Variants in M1AP observed in about 807,000 individuals in gnomAD.
M1AP encodes the protein meiosis 1 arrest protein.
M1AP carries 39 observed loss-of-function variants against 51.2 expected under a neutral mutation model. The observed-to-expected ratio is 0.76, with a 90% CI of 0.59 to 1.00. M1AP has a LOEUF of 1.00. Ranked by LOEUF, M1AP falls within the 50% of genes least tolerant of loss-of-function variation. The pLI is 0.00. For synonymous variants in M1AP, 251 were observed against 249.2 expected (o/e 1.01, Z -0.07); for missense variants, 545 against 641.2 (o/e 0.85, Z 1.62).
chr2:74,596,062 A>T (rs1680314203), intron 4 of M1AP, among the ~76,000 whole-genome samples: 1 of 152,254 alleles, frequency 6.6e-6, no homozygotes, highest in Admixed American at 6.5e-5. Flanking sequence ...AAAGCAAGGA[A>T]GAAAGATGAA....
chr2:74,609,900 C>T (rs1472393691), intron 3 of M1AP, among the ~76,000 whole-genome samples: 1 of 152,084 alleles, frequency 6.6e-6, no homozygotes, highest in Non-Finnish European at 1.5e-5. Flanking sequence ...CATTTTTTCC[C>T]TGTTGAGTTG....
intron 2 of M1AP, among the ~76,000 whole-genome samples, chr2:74,625,854 C>T (rs1191797743): frequency 1.3e-5 from 2 of 152,226 alleles, no homozygotes; most frequent in African/African-American, 2.4e-5. Flanking sequence ...ATTCCCTTTG[C>T]TTACTTGTTC....
chr2:74,628,519 C>T (rs536244818), intron 2 of M1AP: 9 of 473,668 alleles, frequency 1.9e-5, no homozygotes, highest in Non-Finnish European at 3.3e-5. Flanking sequence ...GCACTAAAGG[C>T]AAATATCACC....
At chr2:74,597,033 T>A (rs78866756) in intron 4 of M1AP, among the ~76,000 whole-genome samples, 3 of 152,154 alleles carry the variant, frequency 2.0e-5, no homozygotes, top group Non-Finnish European at 4.4e-5. Context: ...ATCGTGATGA[T>A]GATTTGTGGG....
intron 1 of M1AP, chr2:74,647,221 C>T (rs894105550): frequency 1.0e-6 from 1 of 985,148 alleles, no homozygotes; most frequent in African/African-American, 1.7e-5. Context: ...GCCTTCTGCC[C>T]AACTCTCCAT....
chr2:74,645,640 A>G (rs1027137859), intron 1 of M1AP, among the ~76,000 whole-genome samples: 4 of 152,214 alleles, frequency 2.6e-5, no homozygotes, highest in African/African-American at 9.6e-5. Context: ...TGCTTTTCCT[A>G]GAAATTTCTG....
chr2:74,595,994 A>G (rs1680310244), intron 4 of M1AP, among the ~76,000 whole-genome samples: 1 of 152,234 alleles, frequency 6.6e-6, no homozygotes, highest in East Asian at 1.9e-4. Context: ...TGGCTAAATG[A>G]CAATAGATAA....
chr2:74,633,749 A>C (rs1215592214), intron 2 of M1AP, among the ~76,000 whole-genome samples: 2 of 152,144 alleles, frequency 1.3e-5, no homozygotes, highest in African/African-American at 4.8e-5. Context: ...ATAATTTAAC[A>C]ATGTCATGAA....
At chr2:74,576,883 A>T in intron 5 of M1AP, 1 of 1,191,398 alleles carries the variant, frequency 8.4e-7, no homozygotes, top group Non-Finnish European at 1.1e-6. Context: ...CATGATCTTT[A>T]CTTGTTTTAC....
intron 3 of M1AP, 60 bp downstream of exon 3, chr2:74,614,904 T>C: frequency 2.1e-6 from 3 of 1,423,064 alleles, no homozygotes; most frequent in Non-Finnish European, 3.0e-6. Context: ...TGATAAACAA[T>C]GACCTATATG....
In M1AP at chr2:74,622,126, A is replaced by T. The variant is rs186907147; in HGVS notation, c.241-6977T>A. On this transcript the variant is annotated intron_variant, in intron 2 of 10. Transcript: ENST00000421985. ...CACAGTGGGACTCCATCTCAAAATT[A>T]AAAAAAAAGACAATATAAAAAATTC... 2.5e-3 allele frequency among the ~76,000 whole-genome samples: 376 copies of T among 150,956 alleles called. 1 individual carries two copies. Among genetic ancestry groups the T allele is most frequent in the Middle Eastern group, 0.021 (6 of 292 alleles).
chr2:74,603,327 A>C (rs1284271642), intron 4 of M1AP, among the ~76,000 whole-genome samples: 1 of 152,260 alleles, frequency 6.6e-6, no homozygotes, highest in African/African-American at 2.4e-5. Flanking sequence ...AGGTGCTTAC[A>C]GTTTAATGCA....
rs1205005465 is a variant in M1AP, at chr2:74,640,040, A to G, written c.236T>C (p.Phe79Ser). 2.5e-6 allele frequency: 4 copies of G among 1,613,672 alleles called. No homozygotes were observed. Among genetic ancestry groups the G allele is most frequent in the African/African-American group, 1.3e-5 (1 of 74,910 alleles). Reference protein sequence around the residue: ...VQDQHECILPFVQVKGNFARL... With the variant: ...VQDQHECILPSVQVKGNFARL... Reference sequence around the variant, plus strand: ...AATAAATATAGATATACTTACCACAAAAGGGAGGATGCACTCATGCTGATC... The same window carrying G: ...AATAAATATAGATATACTTACCACAGAAGGGAGGATGCACTCATGCTGATC... Residue 79 changes from phenylalanine to serine, a missense_variant, in exon 2 of 11, where the codon TTT becomes TCT. By Grantham distance (155) the Phe-to-Ser change is radical. Transcript: ENST00000421985.
intron 7 of M1AP, among the ~76,000 whole-genome samples, chr2:74,572,598 T>C (rs1678815672): frequency 6.6e-6 from 1 of 152,322 alleles, no homozygotes; most frequent in East Asian, 1.9e-4. Context: ...TGGGATTACA[T>C]GTGTGAGCTA....
At chr2:74,578,578 A>G (rs973974477) in intron 5 of M1AP, among the ~76,000 whole-genome samples, 5 of 152,188 alleles carry the variant, frequency 3.3e-5, no homozygotes, top group Non-Finnish European at 2.9e-5. Context: ...CTGGGCTTGA[A>G]TCTAGAACCA....
At chr2:74,632,188 A>G (rs557636522) in intron 2 of M1AP, among the ~76,000 whole-genome samples, 21 of 152,310 alleles carry the variant, frequency 1.4e-4, no homozygotes, top group African/African-American at 4.8e-4. Flanking sequence ...AGGCCTGACC[A>G]TAGGCAATTA....
intron 2 of M1AP, among the ~76,000 whole-genome samples, chr2:74,620,095 TGTTCA>T (rs1189436680): frequency 1.3e-5 from 2 of 152,248 alleles, no homozygotes; most frequent in African/African-American, 4.8e-5. Flanking sequence ...TTCACTTCCT[TGTTCA>T]GTTAAGTTTC....
rs72907283 is a variant in M1AP, at chr2:74,579,769, C to T, written c.769+1905G>A. Among the ~76,000 whole-genome samples the T allele has an allele frequency of 6.8e-3, 1,033 of 151,972 alleles. 14 individuals carry two copies. The highest frequency in any genetic ancestry group is 0.023 in the African/African-American group (966 of 41,444). On this transcript the variant is annotated intron_variant, in intron 5 of 10. Transcript: ENST00000421985. Reference sequence around the variant, plus strand: ...AAAGAGCTGTGTAATGTTTAACGGGCAATGTCTTCTTTCTTTTTTTTAAAA... The same window carrying T: ...AAAGAGCTGTGTAATGTTTAACGGGTAATGTCTTCTTTCTTTTTTTTAAAA...
chr2:74,623,441 T>C (rs1259188027), intron 2 of M1AP, among the ~76,000 whole-genome samples: 1 of 151,544 alleles, frequency 6.6e-6, no homozygotes, highest in African/African-American at 2.4e-5. Context: ...AGGTGGAGGT[T>C]ACAGTAAGCT....
Sources: gnomAD v4.1 joint callset for allele counts (sites outside exome capture counted in the v4.1 genomes callset) on GRCh38, gnomAD v4.1.1 for gene constraint, MANE v1.5 for transcripts, NCBI Gene and HGNC (gene_info 2026-07-23, HGNC 2026-07-21) for gene names.